ARFGEF3: variants seen among roughly 807,000 people sequenced by gnomAD.
ARFGEF3 encodes the protein brefeldin A-inhibited guanine nucleotide-exchange protein 3.
A neutral mutation model predicts 221.7 loss-of-function variants in ARFGEF3; 96 were observed. The observed-to-expected ratio is 0.43, with a 90% CI of 0.37 to 0.51. The LOEUF (loss-of-function observed/expected upper bound fraction) is 0.51. Ranked by LOEUF, ARFGEF3 falls within the 20% of genes least tolerant of loss-of-function variation. ARFGEF3 has a pLI of 0.00. For missense variants in ARFGEF3, 2,410 were observed against 2,789.9 expected (o/e 0.86, Z 3.07); for synonymous variants, 1,145 against 1,126.8 (o/e 1.02, Z -0.32).
At position 138,252,752 on chromosome 6, in the gene ARFGEF3, A is replaced by G. The variant is rs141719259; in HGVS notation, c.666-1128A>G. ...TATAAGCAAGTTTTTCCTTTTTCTG[A>G]GTATTCCCATCCCACATTACTGAGT... On this transcript the variant is annotated intron_variant, in intron 8 of 33. Transcript: ENST00000251691. Among the ~76,000 whole-genome samples, 89 of 152,350 alleles carry G rather than the reference A, an allele frequency of 5.8e-4. 1 individual carries two copies. The East Asian group carries it at 0.014, about 25-fold the overall frequency.
chr6:138,298,906 GA>G (rs1779574180), intron 22 of ARFGEF3, 121 bp downstream of exon 22: 3 of 813,636 alleles, frequency 3.7e-6, no homozygotes, highest in Non-Finnish European at 1.9e-6. Context: ...CTGTAACGGA[GA>G]AGTTAAGCAG....
chr6:138,233,372 G>A (rs1428423973), intron 5 of ARFGEF3, among the ~76,000 whole-genome samples: 1 of 151,062 alleles, frequency 6.6e-6, no homozygotes, highest in African/African-American at 2.4e-5. Flanking sequence ...AATGTTCAGT[G>A]ATACTTTTTT....
At chr6:138,175,906 T>C (rs145012761) in intron 2 of ARFGEF3, among the ~76,000 whole-genome samples, 1 of 152,326 alleles carries the variant, frequency 6.6e-6, no homozygotes, top group East Asian at 1.9e-4. Flanking sequence ...GTAATATTTG[T>C]TTTATGAATC....
chr6:138,227,106 G>C (rs1354702028), intron 4 of ARFGEF3, among the ~76,000 whole-genome samples: 1 of 151,992 alleles, frequency 6.6e-6, no homozygotes, highest in Non-Finnish European at 1.5e-5. Flanking sequence ...ATTAGGTGTG[G>C]AAAGCCTTCC....
At chr6:138,283,053 TA>T (rs776352306) in intron 14 of ARFGEF3, among the ~76,000 whole-genome samples, 77 of 145,722 alleles carry the variant, frequency 5.3e-4, no homozygotes, top group Admixed American at 7.6e-4. Flanking sequence ...TCTGTCTTTT[TA>T]AAAAAAAAAA....
chr6:138,286,822 T>C lies in ARFGEF3; in HGVS notation c.2691T>C (p.Ala897=). The C allele has an allele frequency of 1.2e-6, 2 of 1,614,020 alleles. No individual in the cohort carries two copies. Among genetic ancestry groups the C allele is most frequent in the Non-Finnish European group, 1.7e-6 (2 of 1,179,904 alleles). The change falls in exon 16 of 34, where the codon GCT becomes GCC. Residue 897 remains alanine, a synonymous_variant. Coordinates refer to ENST00000251691, the MANE Select transcript of ARFGEF3 (RefSeq NM_020340.5). ...AAGGGCTGGCCTTCATTCTGGGAGC[T>C]GAAGGCATCAAAGAGCAGAACCAGA... ...SSKGLAFILG[A]EGIKEQNQKE... is the part of the protein sequence containing the mutation.
At chr6:138,233,391 G>C (rs1778227749) in intron 5 of ARFGEF3, among the ~76,000 whole-genome samples, 1 of 151,814 alleles carries the variant, frequency 6.6e-6, no homozygotes, top group South Asian at 2.1e-4. Flanking sequence ...TTGGGGGGTG[G>C]GGGGAGATGG....
At chr6:138,284,878 A>G (rs538890134) in intron 14 of ARFGEF3, among the ~76,000 whole-genome samples, 9 of 152,330 alleles carry the variant, frequency 5.9e-5, no homozygotes, top group East Asian at 3.9e-4. Flanking sequence ...GGTATAGCCT[A>G]TTGCTCCAAG....
In ARFGEF3 at chr6:138,241,380, T is replaced by C. The variant is rs568195793; in HGVS notation, c.544-1572T>C. Among the ~76,000 whole-genome samples, 19 of 152,328 alleles carry C rather than the reference T, an allele frequency of 1.2e-4. No individual in the cohort carries two copies. In the South Asian group the frequency reaches 3.9e-3, roughly 32 times the overall value. ...CTTCAAACATTCACCTTATGTAAAA[T>C]TTAGATTTACTGGGCACTAAGTAAA... is the stretch of plus-strand genomic sequence containing the variant. On this transcript the variant is annotated intron_variant, in intron 6 of 33. Coordinates refer to ENST00000251691, the MANE Select transcript of ARFGEF3 (RefSeq NM_020340.5).
At chr6:138,218,336 T>G in intron 4 of ARFGEF3, 1 of 1,556,320 alleles carries the variant, frequency 6.4e-7, no homozygotes. Context: ...TTCTGATCTG[T>G]AAAATGTGAA....
Position 138,193,237 on chromosome 6 carries a change from A to G in ARFGEF3, c.138-13805A>G, listed in dbSNP as rs548469385. Among the ~76,000 whole-genome samples, 12 of 152,224 alleles carry G rather than the reference A, an allele frequency of 7.9e-5. No individual in the cohort carries two copies. The South Asian group carries it at 2.3e-3, about 29-fold the overall frequency. ...ATTTGGGAATGTCCTTTTCTTCTTCACTGAGCTGACCAAGTTCCATTGTCT... is the reference window on the plus strand; with the variant it reads ...ATTTGGGAATGTCCTTTTCTTCTTCGCTGAGCTGACCAAGTTCCATTGTCT... On this transcript the variant is annotated intron_variant, in intron 2 of 33. Transcript: ENST00000251691.
At position 138,285,903 on chromosome 6, in the gene ARFGEF3, G is replaced by T. The variant is rs768351385; in HGVS notation, c.2462-43G>T. 3.4e-6 allele frequency: 4 copies of T among 1,173,416 alleles called. No individual in the cohort carries two copies. In the Admixed American group the frequency reaches 5.1e-5, roughly 15 times the overall value. 72.7% of individuals were successfully genotyped at this position (1,173,416 alleles called of 1,614,324 possible). ...GTGGCCATTTGCTTGTTTTTGACTGGAGTGTTTTATTTAGGGAAAACTTCT... is the reference window on the plus strand; with the variant it reads ...GTGGCCATTTGCTTGTTTTTGACTGTAGTGTTTTATTTAGGGAAAACTTCT... On this transcript the variant is annotated intron_variant, in intron 14 of 33. Coordinates refer to ENST00000251691, the MANE Select transcript of ARFGEF3 (RefSeq NM_020340.5).
In ARFGEF3 at chr6:138,217,401, T is replaced by C. The variant is rs577848628; in HGVS notation, c.351+7360T>C. The C allele has an allele frequency of 5.2e-5, 8 of 152,420 alleles. No individual in the cohort carries two copies. In the East Asian group the frequency reaches 1.3e-3, roughly 26 times the overall value. The allele number at this position is 152,420 out of a possible 1,614,324, so 9.4% of individuals were successfully genotyped here. A position where few individuals can be genotyped will look rare whatever the true frequency, so the allele number is the denominator to read the frequency against. The stretch of plus-strand genomic sequence containing the variant: ...ACTGTGCTGGGCACAGAAGATCCCA[T>C]AGTGAAGAAAACAAAACCAAAGAAA... On this transcript the variant is annotated intron_variant, in intron 4 of 33. Coordinates refer to ENST00000251691, the MANE Select transcript of ARFGEF3 (RefSeq NM_020340.5).
In ARFGEF3 at chr6:138,291,899, T is replaced by C; in HGVS notation, c.3214T>C (p.Ser1072Pro). ...PPEHSPEQGR[S>P]LSTAPVVQPL... is the part of the protein sequence containing the mutation. Reference sequence around the variant, plus strand: ...CGAGCACAGCCCGGAGCAGGGGCGCTCCCTGAGCACGGCCCCTGTCGTCCA... The same window carrying C: ...CGAGCACAGCCCGGAGCAGGGGCGCCCCCTGAGCACGGCCCCTGTCGTCCA... The change falls in exon 19 of 34, where the codon TCC becomes CCC. Residue 1072 changes from serine (S) to proline (P), a missense_variant. Coordinates refer to ENST00000251691, the MANE Select transcript of ARFGEF3 (RefSeq NM_020340.5). The surrounding 1 kb of genome is among the most constrained non-coding windows in gnomAD (Gnocchi z 4.5). 1 of 1,489,748 alleles carries C rather than the reference T, an allele frequency of 6.7e-7. No homozygotes were observed. 92.3% of individuals were successfully genotyped at this position (1,489,748 alleles called of 1,614,324 possible). A position where few individuals can be genotyped will look rare whatever the true frequency, so the allele number is the denominator to read the frequency against.
At chr6:138,287,354 A>C (rs1359080571) in intron 17 of ARFGEF3, among the ~76,000 whole-genome samples, 170 bp downstream of exon 17, 1 of 152,200 alleles carries the variant, frequency 6.6e-6, no homozygotes, top group East Asian at 1.9e-4. Flanking sequence ...GGTCTCTTCC[A>C]TGTAGGTGAC....
chr6:138,276,293 C>A (rs1439774428), intron 12 of ARFGEF3, among the ~76,000 whole-genome samples: 1 of 152,142 alleles, frequency 6.6e-6, no homozygotes, highest in African/African-American at 2.4e-5. Context: ...GGCCTTAGGA[C>A]CAGCATACTA....
Position 138,296,857 on chromosome 6 carries a change from C to T in ARFGEF3, c.3550C>T (p.Arg1184Cys), listed in dbSNP as rs753224287. The T allele has an allele frequency of 2.0e-5, 33 of 1,614,018 alleles. No homozygotes were observed. The highest frequency in any genetic ancestry group is 4.5e-5 in the East Asian group (2 of 44,880). ...QDRKSALHLF[R>C]LGNAMLRIVR... ...CCGAAAAAGCGCCCTCCACCTGTTC[C>T]GCCTGGGGAATGCCATGCTGAGGAT... Residue 1184 changes from arginine (R) to cysteine (C), a missense_variant, in exon 21 of 34, where the codon CGC (arginine) becomes TGC (cysteine). Transcript: ENST00000251691.
chr6:138,286,122 T>G (rs1779284374), intron 15 of ARFGEF3, 69 bp downstream of exon 15: 1 of 948,354 alleles, frequency 1.1e-6, no homozygotes, highest in African/African-American at 1.6e-5. Context: ...TACATTGTTA[T>G]GTGGTGACTT....
chr6:138,262,886 G>A lies in ARFGEF3; in HGVS notation c.1403G>A (p.Ser468Asn). Reference sequence around the variant, plus strand: ...GAGCTGAAGGATGGGGCTGAGTGGAGCCGAGATTCCATGGAGATCAATGAG... The same window carrying A: ...GAGCTGAAGGATGGGGCTGAGTGGAACCGAGATTCCATGGAGATCAATGAG... The part of the protein sequence containing the change: ...LEELKDGAEW[S>N]RDSMEINEAD... Residue 468 changes from serine (S) to asparagine (N), a missense_variant, in exon 12 of 34, where the codon AGC becomes AAC. Transcript: ENST00000251691. The A allele has an allele frequency of 1.2e-6, 2 of 1,613,630 alleles. No individual in the cohort carries two copies. Among genetic ancestry groups the A allele is most frequent in the African/African-American group, 2.7e-5 (2 of 75,066 alleles).
Sources: gnomAD v4.1 joint callset for allele counts (sites outside exome capture counted in the v4.1 genomes callset) on GRCh38, gnomAD v4.1.1 for gene constraint, Gnocchi (gnomAD v3.1) non-coding constraint, MANE v1.5 for transcripts, NCBI Gene and HGNC (gene_info 2026-07-23, HGNC 2026-07-21) for gene names.